The following FAM135B variants were observed in gnomAD, a reference collection of about 807,000 sequenced individuals.
The protein encoded by FAM135B is protein FAM135B.
Under a neutral mutation model 127.7 loss-of-function variants are expected in FAM135B, and 43 were observed. The ratio of observed to expected loss-of-function variants is 0.34; its 90% confidence interval spans 0.26 to 0.43. FAM135B has a LOEUF of 0.43. Ranked by LOEUF, FAM135B falls within the 20% of genes least tolerant of loss-of-function variation. FAM135B has a pLI of 1.00. For missense variants in FAM135B, 1,558 were observed against 1,725.6 expected, an observed-to-expected ratio of 0.90 and a Z score of 1.72; for synonymous variants, 670 against 665.1, an observed-to-expected ratio of 1.01 and a Z score of -0.11.
At position 138,359,136 on chromosome 8, in the gene FAM135B, C is replaced by T. The variant is rs79380765; in HGVS notation, c.77+8771G>A. Among the ~76,000 whole-genome samples the T allele has an allele frequency of 5.1e-3, 780 of 152,160 alleles. 9 individuals carry two copies. Among genetic ancestry groups the T allele is most frequent in the Non-Finnish European group, 6.7e-3 (457 of 68,002 alleles). ...AGCACTTGGGTAACTGAAGTCTATTCACTCATCATAGGAACAATGATAATA... is the reference window on the plus strand; with the variant it reads ...AGCACTTGGGTAACTGAAGTCTATTTACTCATCATAGGAACAATGATAATA... On this transcript the variant is annotated intron_variant, in intron 2 of 19. Transcript: ENST00000395297.
chr8:138,431,560 T>A (rs2131507317), intron 1 of FAM135B, among the ~76,000 whole-genome samples: 1 of 152,342 alleles, frequency 6.6e-6, no homozygotes, highest in Admixed American at 6.5e-5. Context: ...ATGTGACAAT[T>A]GCATCTTCAA....
chr8:138,197,401 T>C, intron 8 of FAM135B, 115 bp downstream of exon 8: 1 of 1,301,044 alleles, frequency 7.7e-7, no homozygotes, highest in Non-Finnish European at 1.0e-6. Flanking sequence ...CAAACCTACC[T>C]GGACCAGGGT....
intron 7 of FAM135B, among the ~76,000 whole-genome samples, chr8:138,198,464 A>G (rs915406242): frequency 4.6e-5 from 7 of 152,134 alleles, no homozygotes; most frequent in African/African-American, 1.7e-4. Context: ...CTTTGCAGAG[A>G]GAAGAAATTT....
At position 138,151,858 on chromosome 8, in the gene FAM135B, C is replaced by A; in HGVS notation, c.2617G>T (p.Val873Phe). 6.2e-6 allele frequency: 10 copies of A among 1,614,034 alleles called. No homozygotes were observed. Among genetic ancestry groups the A allele is most frequent in the Non-Finnish European group, 6.8e-6 (8 of 1,179,894 alleles). ...TTTAAATTAAGACCTTTGGTTTCAA[C>A]ACCTGGAGTGTTCTCAGTCCTGCCA... The part of the protein sequence containing the change: ...PDGRTENTPG[V>F]ETKGLNLKIP... Residue 873 changes from valine to phenylalanine, a missense_variant, in exon 13 of 20, where the codon GTT (valine) becomes TTT (phenylalanine). Around this residue, in one of 5 missense-constraint regions of FAM135B, gnomAD observed 923 missense variants for 865.3 expected, o/e 1.07. Transcript: ENST00000395297.
At chr8:138,443,427 G>A (rs1835925319) in intron 1 of FAM135B, among the ~76,000 whole-genome samples, 1 of 151,982 alleles carries the variant, frequency 6.6e-6, no homozygotes. Context: ...AAATACCTGG[G>A]TCTTTCACTA....
rs931509341 is a variant in FAM135B at position 138,203,602 on chromosome 8, G to A, written c.670-5933C>T. Among the ~76,000 whole-genome samples the A allele has an allele frequency of 3.9e-5, 6 of 152,154 alleles. No individual in the cohort carries two copies. The South Asian group carries it at 1.2e-3, about 32-fold the overall frequency. Reference sequence around the variant, plus strand: ...ATCCACTGTTTGTAAGAGAAAGTTCGAATTCTTTTGTGTGCCATTCAAGGA... The same window carrying A: ...ATCCACTGTTTGTAAGAGAAAGTTCAAATTCTTTTGTGTGCCATTCAAGGA... On this transcript the variant is annotated intron_variant, in intron 7 of 19. Transcript: ENST00000395297.
intron 3 of FAM135B, among the ~76,000 whole-genome samples, chr8:138,299,630 T>C (rs891627014): frequency 6.6e-6 from 1 of 152,028 alleles, no homozygotes; most frequent in African/African-American, 2.4e-5. Flanking sequence ...ATATAAAAAT[T>C]AAGCTGCAGA....
At chr8:138,361,371 C>T (rs1244227060) in intron 2 of FAM135B, among the ~76,000 whole-genome samples, 2 of 152,164 alleles carry the variant, frequency 1.3e-5, no homozygotes, top group African/African-American at 4.8e-5. Flanking sequence ...CCATGTGACT[C>T]ATCTGTAATT....
chr8:138,275,006 G>C (rs192438539), intron 3 of FAM135B, among the ~76,000 whole-genome samples: 1 of 152,242 alleles, frequency 6.6e-6, no homozygotes, highest in East Asian at 1.9e-4. Context: ...ACAGGATTGA[G>C]AGATTAAAGT....
Position 138,413,810 on chromosome 8 carries a change from G to A in FAM135B, c.-19-45808C>T, listed in dbSNP as rs150960758. On this transcript the variant is annotated intron_variant, in intron 1 of 19. Transcript: ENST00000395297. Reference sequence around the variant, plus strand: ...GTTATCAGTGCAGTTCAGCAAGGCAGACAATCTGGCCCTCCTCCTCTAGCA... The same window carrying A: ...GTTATCAGTGCAGTTCAGCAAGGCAAACAATCTGGCCCTCCTCCTCTAGCA... 9.8e-3 allele frequency among the ~76,000 whole-genome samples: 1,499 copies of A among 152,214 alleles called. 31 individuals are homozygous for A. The highest frequency in any genetic ancestry group is 0.033 in the African/African-American group (1,359 of 41,530).
intron 9 of FAM135B, among the ~76,000 whole-genome samples, chr8:138,191,267 T>C (rs1816098389): frequency 6.6e-6 from 1 of 152,208 alleles, no homozygotes; most frequent in Non-Finnish European, 1.5e-5. Context: ...GATTCAGGAC[T>C]GTGCCCTGCA....
At chr8:138,447,770 C>A (rs1481898120) in intron 1 of FAM135B, among the ~76,000 whole-genome samples, 5 of 149,712 alleles carry the variant, frequency 3.3e-5, no homozygotes, top group Admixed American at 6.6e-5. Flanking sequence ...AACAAACCTG[C>A]ATGTTTTGCA....
intron 1 of FAM135B, among the ~76,000 whole-genome samples, chr8:138,385,068 C>T (rs1832108756): frequency 6.6e-6 from 1 of 152,156 alleles, no homozygotes; most frequent in Non-Finnish European, 1.5e-5. Context: ...AAACAGCTCT[C>T]CTTACTGCTC....
chr8:138,396,185 A>G (rs1832842470), intron 1 of FAM135B, among the ~76,000 whole-genome samples: 1 of 152,116 alleles, frequency 6.6e-6, no homozygotes, highest in Non-Finnish European at 1.5e-5. Flanking sequence ...GGGGTACAGA[A>G]CCTCTGAGGG....
intron 11 of FAM135B, among the ~76,000 whole-genome samples, chr8:138,171,659 G>C (rs533260584): frequency 5.9e-5 from 9 of 152,348 alleles, no homozygotes; most frequent in Non-Finnish European, 1.3e-4. Context: ...TCAGACGGCT[G>C]AGGCTGCAGC....
rs568399155 is a variant in FAM135B at position 138,326,613 on chromosome 8, G to C, written c.78-15693C>G. ...CCAGTTCCAAGCAGTCAGAAGGTGGGAGAAGAGTTGAAAAGCAAAACAACT... is the reference window on the plus strand; with the variant it reads ...CCAGTTCCAAGCAGTCAGAAGGTGGCAGAAGAGTTGAAAAGCAAAACAACT... On this transcript the variant is annotated intron_variant, in intron 2 of 19. Transcript: ENST00000395297. 2.2e-4 allele frequency among the ~76,000 whole-genome samples: 34 copies of C among 152,212 alleles called. 1 individual carries two copies. The highest frequency in any genetic ancestry group is 7.7e-4 in the African/African-American group (32 of 41,558).
chr8:138,370,444 TTTTG>T lies in FAM135B; in HGVS notation c.-19-2446_-19-2443del, dbSNP rs540650928. On this transcript the variant is annotated intron_variant, in intron 1 of 19. Transcript: ENST00000395297. ...AGTTCCCATGTAAAATAATTTTGGT[TTTTG>T]TTTGTTTGTTTGTTTGTTTTTGAGA... Among the ~76,000 whole-genome samples the T allele has an allele frequency of 5.8e-4, 88 of 151,962 alleles. 1 individual carries two copies. In the East Asian group the frequency reaches 5.8e-3, roughly 10 times the overall value.
At chr8:138,426,912 C>T (rs2131487622) in intron 1 of FAM135B, among the ~76,000 whole-genome samples, 1 of 151,944 alleles carries the variant, frequency 6.6e-6, no homozygotes, top group Admixed American at 6.6e-5. Context: ...AAACTATCTT[C>T]CCAAGATACA....
intron 2 of FAM135B, among the ~76,000 whole-genome samples, chr8:138,316,937 A>G (rs6577916): frequency 0.94 from 142,909 of 151,326 alleles, 67,722 homozygotes; most frequent in Non-Finnish European, 0.98. Flanking sequence ...CCGTGACCGC[A>G]CCACTGCACT....
Sources: gnomAD v4.1 joint callset for allele counts (sites outside exome capture counted in the v4.1 genomes callset) on GRCh38, gnomAD v4.1.1 for gene constraint, gnomAD v4.1.1 regional missense constraint, MANE v1.5 for transcripts, NCBI Gene and HGNC (gene_info 2026-07-23, HGNC 2026-07-21) for gene names.